Variants in MYO1H observed in about 807,000 individuals in gnomAD.
MYO1H encodes the protein myosin IH.
A neutral mutation model predicts 149.3 loss-of-function variants in MYO1H; 118 were observed. The observed-to-expected ratio is 0.79, with a 90% CI of 0.68 to 0.92. MYO1H has a LOEUF of 0.92. MYO1H is among the 40% of genes least tolerant of loss of function. MYO1H has a pLI of 0.00. For missense variants in MYO1H, 1,212 were observed against 1,280.7 expected (o/e 0.95, Z 0.82); for synonymous variants, 447 against 465.2 (o/e 0.96, Z 0.50).
chr12:109,363,484 G>A (rs1295833780), intron 1 of MYO1H, among the ~76,000 whole-genome samples: 1 of 152,186 alleles, frequency 6.6e-6, no homozygotes, highest in African/African-American at 2.4e-5. Context: ...AGGCCGAGAC[G>A]AGTGGATCAC....
At chr12:109,411,954 G>A in exon 14 of MYO1H, 1 of 1,604,306 alleles carries the variant, frequency 6.2e-7, no homozygotes, top group African/African-American at 1.3e-5. Flanking sequence ...GAAATTGGAA[G>A]AGAAAGTGGG....
chr12:109,409,531 T>G (rs1232825802), intron 10 of MYO1H, 26 bp from the exon 11 acceptor site: 1 of 1,603,830 alleles, frequency 6.2e-7, no homozygotes, highest in African/African-American at 1.3e-5. Context: ...GACCTAACTA[T>G]GAATGGGGTG....
At chr12:109,362,055 T>TGCC (rs1487197216) in intron 1 of MYO1H, among the ~76,000 whole-genome samples, 29 of 140,590 alleles carry the variant, frequency 2.1e-4, no homozygotes, top group African/African-American at 6.8e-4. Flanking sequence ...TGGGGCAGAT[T>TGCC]GCCTTCTGTT....
At chr12:109,446,210 A>T in intron 31 of MYO1H, 1 of 985,440 alleles carries the variant, frequency 1.0e-6, no homozygotes, top group South Asian at 4.7e-5. Context: ...GGAGAAGTCT[A>T]GCCTGAGCAC....
downstream of MYO1H, chr12:109,448,379 AT>A (rs1237936894): frequency 6.6e-6 from 1 of 152,198 alleles, no homozygotes; most frequent in Non-Finnish European, 1.5e-5. Context: ...GTGTCAAGGG[AT>A]TGGGTTTGGT....
intron 5 of MYO1H, among the ~76,000 whole-genome samples, chr12:109,399,588 T>G (rs1870072709): frequency 2.0e-5 from 2 of 100,940 alleles, no homozygotes; most frequent in Admixed American, 1.2e-4. Flanking sequence ...TGAGACTCTG[T>G]CTCAAAAAAA....
intron 2 of MYO1H, 100 bp downstream of exon 2, chr12:109,388,944 A>G: frequency 1.4e-6 from 2 of 1,395,370 alleles, no homozygotes; most frequent in Non-Finnish European, 1.9e-6. Context: ...ATTAGGTTAG[A>G]CATTAAAGGG....
intron 16 of MYO1H, among the ~76,000 whole-genome samples, 195 bp from the exon 17 acceptor site, chr12:109,424,553 A>G (rs1388653359): frequency 6.6e-6 from 1 of 152,248 alleles, no homozygotes. Flanking sequence ...AAGCAGAGAA[A>G]GCAGTGGATG....
At chr12:109,375,027 G>T (rs769778698) in intron 1 of MYO1H, among the ~76,000 whole-genome samples, 10 of 151,778 alleles carry the variant, frequency 6.6e-5, no homozygotes, top group Non-Finnish European at 1.3e-4. Flanking sequence ...GTGAATTTTT[G>T]TATTTTTAGT....
chr12:109,310,836 T>C, the MYO1H span, among the ~76,000 whole-genome samples: 6 of 152,216 alleles, frequency 3.9e-5, no homozygotes, highest in African/African-American at 1.4e-4. Context: ...AAGATGTAGT[T>C]TACAGATGTT....
chr12:109,346,171 C>G (rs2048101926), upstream of MYO1H, among the ~76,000 whole-genome samples: 1 of 152,060 alleles, frequency 6.6e-6, no homozygotes. Flanking sequence ...TCATTGTTGC[C>G]TAGACAATGT....
the MYO1H span, among the ~76,000 whole-genome samples, chr12:109,318,967 G>GTTTTTTTTTTTTTTTTTTTTTTTT: frequency 2.1e-4 from 17 of 79,596 alleles, 2 homozygotes; most frequent in African/African-American, 2.4e-4. Flanking sequence ...TGCGTTTTTG[G>GTTTTTTTTTTTTTTTTTTTTTTTT]TTTTGTTTTT....
chr12:109,407,706 A>T (rs898134173), intron 9 of MYO1H, 88 bp from the exon 10 acceptor site: 49 of 1,256,636 alleles, frequency 3.9e-5, no homozygotes, highest in Admixed American at 1.7e-4. Context: ...TCATTATTTT[A>T]TTTTTTTTTT....
chr12:109,358,299 T>TG (rs1276164252), intron 1 of MYO1H, among the ~76,000 whole-genome samples: 1 of 152,104 alleles, frequency 6.6e-6, no homozygotes, highest in East Asian at 1.9e-4. Context: ...CCTGAAGTCC[T>TG]GGTTGGTTTT....
intron 9 of MYO1H, 70 bp downstream of exon 9, chr12:109,406,930 G>A (rs1356485585): frequency 6.9e-7 from 1 of 1,448,328 alleles, no homozygotes; most frequent in Admixed American, 1.7e-5. Flanking sequence ...TAACAGCAGG[G>A]TGGTGGCCTC....
chr12:109,353,141 A>G (rs543714799), intron 1 of MYO1H, among the ~76,000 whole-genome samples: 2 of 152,278 alleles, frequency 1.3e-5, no homozygotes, highest in Admixed American at 1.3e-4. Flanking sequence ...CATGCCTGTA[A>G]TCCCAGCATT....
At chr12:109,348,735 C>T (rs989962712) in intron 1 of MYO1H, among the ~76,000 whole-genome samples, 7 of 152,104 alleles carry the variant, frequency 4.6e-5, no homozygotes, top group African/African-American at 1.7e-4. Context: ...TTCTGGGTTT[C>T]GATAGCATAA....
chr12:109,389,547 A>G (rs1869546487), intron 2 of MYO1H, among the ~76,000 whole-genome samples: 1 of 152,152 alleles, frequency 6.6e-6, no homozygotes, highest in Admixed American at 6.5e-5. Context: ...CACCCCACGA[A>G]TGGTCAAGGG....
chr12:109,319,667 A>G, the MYO1H span, among the ~76,000 whole-genome samples: 2 of 152,194 alleles, frequency 1.3e-5, no homozygotes, highest in Admixed American at 6.5e-5. Flanking sequence ...AGAAAGGTCT[A>G]TGGCAAAGTT....
Sources: allele counts gnomAD v4.1 joint callset (sites outside exome capture counted in the v4.1 genomes callset), GRCh38; gene constraint gnomAD v4.1.1; transcripts MANE v1.5; gene names NCBI Gene and HGNC (gene_info 2026-07-23, HGNC 2026-07-21).